Variants in TREML4 observed in about 807,000 individuals in gnomAD.
TREML4 encodes triggering receptor expressed on myeloid cells like 4.
In TREML4, 25 loss-of-function variants were observed where a neutral mutation model predicts 25.4. The ratio of observed to expected loss-of-function variants is 0.98; its 90% CI spans 0.72 to 1.37. TREML4 has a LOEUF of 1.37. Among genes scored for constraint, TREML4 ranks in the 40% most tolerant of loss-of-function variants. The pLI is 0.00. For synonymous variants in TREML4, 92 were observed against 87.9 expected, an observed-to-expected ratio of 1.05 and a Z score of -0.26; for missense variants, 268 against 236.5, an observed-to-expected ratio of 1.13 and a Z score of -0.87.
intron 4 of TREML4, 26 bp downstream of exon 4, chr6:41,230,148 A>G (rs761250152): frequency 3.2e-6 from 5 of 1,583,834 alleles, no homozygotes; most frequent in Non-Finnish European, 2.6e-6. Context: ...TAACACTGGG[A>G]GGGAGGTCTT....
intron 2 of TREML4, 21 bp from the exon 3 acceptor site, chr6:41,229,500 T>C: frequency 1.2e-6 from 2 of 1,613,688 alleles, no homozygotes; most frequent in Non-Finnish European, 1.7e-6. Context: ...AGAGTCATTG[T>C]CTGCTGTCTT....
Position 41,229,991 on chromosome 6 carries a change from C to G in TREML4, c.446-71C>G, listed in dbSNP as rs376883624. 2.7e-5 allele frequency: 37 copies of G among 1,358,482 alleles called. No individual in the cohort carries two copies. The East Asian group carries it at 3.0e-4, about 11-fold the overall frequency. The allele number at this position is 1,358,482 out of a possible 1,614,324, so 84.2% of individuals were successfully genotyped here. A position where few individuals can be genotyped will look rare whatever the true frequency, so the allele number is the denominator to read the frequency against. ...TGGCCCCTCTCCCCTTCCTCTCACACTTTTGGGACCCAATCCCATTCTCTA... is the reference window on the plus strand; with the variant it reads ...TGGCCCCTCTCCCCTTCCTCTCACAGTTTTGGGACCCAATCCCATTCTCTA... On this transcript the variant is annotated intron_variant, in intron 3 of 5. Transcript: ENST00000341495.
rs142392511 is a variant in TREML4, at chr6:41,234,247, A to G, written c.507-2239A>G. Among the ~76,000 whole-genome samples, 10 of 152,182 alleles carry G rather than the reference A, an allele frequency of 6.6e-5. No homozygotes were observed. In the East Asian group the frequency reaches 1.9e-3, roughly 29 times the overall value. On this transcript the variant is annotated intron_variant, in intron 4 of 5. Coordinates refer to ENST00000341495, the MANE Select transcript of TREML4 (RefSeq NM_198153.3). ...TCATATATGAATGTTTAAGTATGCA[A>G]TAAAATATATTTTGATAATATGACC...
At chr6:41,229,753 G>A (rs1766750748) in intron 3 of TREML4, 182 bp downstream of exon 3, 6 of 686,286 alleles carry the variant, frequency 8.7e-6, no homozygotes, top group South Asian at 7.9e-5. Context: ...TGCACTATCT[G>A]ATGTGATCAG....
At chr6:41,232,559 T>G (rs1766822463) in intron 4 of TREML4, 1 of 154,890 alleles carries the variant, frequency 6.5e-6, no homozygotes, top group Non-Finnish European at 1.4e-5. Context: ...TGCATTTTAT[T>G]TATTTATTTA....
chr6:41,236,412 C>A lies in TREML4; in HGVS notation c.507-74C>A, dbSNP rs973179922. Reference sequence around the variant, plus strand: ...ACAGCTCCAGCTACAAGGGGCCTGCCTGGCTTAGGGACACCGCAGGAGGTG... The same window carrying A: ...ACAGCTCCAGCTACAAGGGGCCTGCATGGCTTAGGGACACCGCAGGAGGTG... On this transcript the variant is annotated intron_variant, in intron 4 of 5. Transcript: ENST00000341495. The A allele has an allele frequency of 5.2e-6, 7 of 1,339,820 alleles. No homozygotes were observed. The African/African-American group carries it at 8.6e-5, about 17-fold the overall frequency. The allele number at this position is 1,339,820 out of a possible 1,614,324, so 83.0% of individuals were successfully genotyped here.
At chr6:41,229,149 T>TCTTCTG in intron 2 of TREML4, 105 bp downstream of exon 2, 1 of 1,064,014 alleles carries the variant, frequency 9.4e-7, no homozygotes, top group Admixed American at 2.4e-5. Flanking sequence ...TCCTGCCAGG[T>TCTTCTG]ATTCTGCTGT....
At chr6:41,229,976 C>T in intron 3 of TREML4, 86 bp from the exon 4 acceptor site, 1 of 1,168,548 alleles carries the variant, frequency 8.6e-7, no homozygotes, top group Non-Finnish European at 1.3e-6. Context: ...TGGCCCCTCT[C>T]CCCTTCCTCT....
intron 4 of TREML4, among the ~76,000 whole-genome samples, chr6:41,233,479 G>T (rs567786259): frequency 6.6e-5 from 10 of 152,124 alleles, no homozygotes; most frequent in Non-Finnish European, 1.2e-4. Flanking sequence ...AAAATATTAT[G>T]TCTATAACAT....
At chr6:41,229,968 G>GGGGGTGT in intron 3 of TREML4, 94 bp from the exon 4 acceptor site, 1 of 1,070,380 alleles carries the variant, frequency 9.3e-7, no homozygotes, top group Non-Finnish European at 1.5e-6. Flanking sequence ...GCTGCCTCTG[G>GGGGGTGT]CCCCTCTCCC....
At chr6:41,231,392 T>G (rs1482682313) in intron 4 of TREML4, among the ~76,000 whole-genome samples, 1 of 151,932 alleles carries the variant, frequency 6.6e-6, no homozygotes, top group Non-Finnish European at 1.5e-5. Context: ...GATCCGTATC[T>G]AATATGCCCA....
intron 2 of TREML4, 48 bp from the exon 3 acceptor site, chr6:41,229,473 C>T: frequency 1.9e-6 from 3 of 1,606,860 alleles, no homozygotes; most frequent in Non-Finnish European, 1.7e-6. Flanking sequence ...AGACCCTACT[C>T]TCTTCTGGGC....
chr6:41,232,989 T>A (rs917021573), intron 4 of TREML4, among the ~76,000 whole-genome samples: 3 of 152,012 alleles, frequency 2.0e-5, no homozygotes, highest in African/African-American at 7.3e-5. Flanking sequence ...AATAACAACA[T>A]GGGGTGAGAA....
chr6:41,229,206 T>G (rs1382100503), intron 2 of TREML4, among the ~76,000 whole-genome samples, 162 bp downstream of exon 2: 2 of 151,618 alleles, frequency 1.3e-5, no homozygotes, highest in Non-Finnish European at 2.9e-5. Context: ...GACTCTCACC[T>G]CTCCTCCACC....
At chr6:41,231,721 C>T (rs1227040546) in intron 4 of TREML4, among the ~76,000 whole-genome samples, 1 of 152,092 alleles carries the variant, frequency 6.6e-6, no homozygotes, top group Non-Finnish European at 1.5e-5. Flanking sequence ...GAGGAATTCT[C>T]ATGGAAGGTC....
intron 2 of TREML4, 27 bp downstream of exon 2, chr6:41,229,071 T>A (rs374756773): frequency 2.3e-5 from 37 of 1,579,576 alleles, no homozygotes; most frequent in Middle Eastern, 3.4e-4. Flanking sequence ...AGGAAATACC[T>A]CTGTGCCACC....
chr6:41,229,055 T>C lies in TREML4; in HGVS notation c.394+11T>C. On this transcript the variant is annotated intron_variant, in intron 2 of 5. Transcript: ENST00000341495. ...TGGTGGTGTCTCCAGGTGAGCTCTT[T>C]TCTTGAGGAAATACCTCTGTGCCAC... The C allele has an allele frequency of 6.2e-7, 1 of 1,604,704 alleles. No homozygotes were observed. The highest frequency in any genetic ancestry group is 2.2e-5 in the East Asian group (1 of 44,802).
intron 4 of TREML4, among the ~76,000 whole-genome samples, chr6:41,233,389 T>A (rs1766837591): frequency 6.6e-6 from 1 of 152,176 alleles, no homozygotes; most frequent in South Asian, 2.1e-4. Flanking sequence ...GGTTAAAAGT[T>A]AGAAAAATAT....
Position 41,229,617 on chromosome 6 carries a change from C to T in TREML4, c.445+46C>T, listed in dbSNP as rs376076925. The T allele has an allele frequency of 6.9e-6, 11 of 1,598,524 alleles. No homozygotes were observed. The Admixed American group carries it at 1.3e-4, about 19-fold the overall frequency. The stretch of plus-strand genomic sequence containing the variant: ...GGGGAAGATTAGAAGGGTCACCAGG[C>T]AGCTTGGGAGCCTCAGATTCAGGGA... On this transcript the variant is annotated intron_variant, in intron 3 of 5. Coordinates refer to ENST00000341495, the MANE Select transcript of TREML4 (RefSeq NM_198153.3).
Sources: gnomAD v4.1 joint callset for allele counts (sites outside exome capture counted in the v4.1 genomes callset) on GRCh38, gnomAD v4.1.1 for gene constraint, MANE v1.5 for transcripts, NCBI Gene and HGNC (gene_info 2026-07-23, HGNC 2026-07-21) for gene names.